Variants in EPHA6 observed in about 807,000 individuals in gnomAD.
EPHA6 encodes EPH receptor A6, also known as ephrin type-A receptor 6.
A neutral mutation model predicts 112.0 loss-of-function variants in EPHA6; 50 were observed. That is an observed-to-expected ratio of 0.45 (90% CI 0.36 to 0.56). The LOEUF (loss-of-function observed/expected upper bound fraction) is 0.56. Ranked by LOEUF, EPHA6 falls within the 20% of genes least tolerant of loss-of-function variation. The probability of loss-of-function intolerance (pLI) is 0.00; values close to 1 mark genes in which losing one functional copy is unlikely to be tolerated. For synonymous variants in EPHA6, 529 were observed against 490.7 expected, an observed-to-expected ratio of 1.08 and a Z score of -1.03; for missense variants, 1,280 against 1,417.4, an observed-to-expected ratio of 0.90 and a Z score of 1.56.
chr3:96,904,116 C>A (rs1201164726), intron 2 of EPHA6, among the ~76,000 whole-genome samples: 2 of 151,882 alleles, frequency 1.3e-5, no homozygotes, highest in African/African-American at 2.4e-5. Context: ...GGTATATACC[C>A]AAAGGATTAT....
intron 12 of EPHA6, chr3:97,606,068 T>G (rs1172699385): frequency 6.6e-6 from 1 of 151,416 alleles, no homozygotes; most frequent in Non-Finnish European, 1.5e-5. Flanking sequence ...CCAAGCAATT[T>G]AGACGTTAAT....
intron 6 of EPHA6, among the ~76,000 whole-genome samples, chr3:97,414,039 C>T (rs1276906788): frequency 6.6e-6 from 1 of 151,920 alleles, no homozygotes; most frequent in East Asian, 1.9e-4. Flanking sequence ...GCTACAAGTA[C>T]AAACATACTT....
chr3:97,446,692 T>C (rs913152665), intron 6 of EPHA6, among the ~76,000 whole-genome samples: 6 of 152,206 alleles, frequency 3.9e-5, no homozygotes, highest in Non-Finnish European at 7.4e-5. Flanking sequence ...CCTCCTCTTG[T>C]ATATGAGATT....
chr3:97,539,124 C>T (rs868835054), intron 11 of EPHA6, among the ~76,000 whole-genome samples: 12 of 123,970 alleles, frequency 9.7e-5, no homozygotes, highest in South Asian at 5.1e-4. Flanking sequence ...TTCTTTCTTT[C>T]TTTTTCTTTC....
chr3:97,575,507 A>G (rs1193429795), intron 11 of EPHA6, among the ~76,000 whole-genome samples: 1 of 152,212 alleles, frequency 6.6e-6, no homozygotes, highest in African/African-American at 2.4e-5. Context: ...GTATACAACC[A>G]TTCCTGGCAT....
At chr3:97,258,617 T>C (rs1411350432) in intron 5 of EPHA6, among the ~76,000 whole-genome samples, 2 of 152,176 alleles carry the variant, frequency 1.3e-5, no homozygotes, top group East Asian at 3.8e-4. Context: ...TTATAACTCA[T>C]AATTACATTA....
chr3:97,260,953 A>G (rs962692012), intron 5 of EPHA6, among the ~76,000 whole-genome samples: 8 of 152,192 alleles, frequency 5.3e-5, no homozygotes, highest in Non-Finnish European at 1.2e-4. Flanking sequence ...GCCAGATGCA[A>G]ACACCACAAC....
chr3:97,015,847 A>G (rs2044246459), intron 3 of EPHA6, among the ~76,000 whole-genome samples: 1 of 152,218 alleles, frequency 6.6e-6, no homozygotes, highest in Admixed American at 6.5e-5. Flanking sequence ...AAAATTAGAA[A>G]CAAAAACTTC....
At chr3:97,104,737 A>C (rs998803824) in intron 3 of EPHA6, among the ~76,000 whole-genome samples, 1 of 152,054 alleles carries the variant, frequency 6.6e-6, no homozygotes, top group African/African-American at 2.4e-5. Context: ...TTCTTTGTAC[A>C]TCAGGTAGAA....
chr3:97,679,051 G>C (rs1560259154), intron 14 of EPHA6, among the ~76,000 whole-genome samples: 1 of 151,798 alleles, frequency 6.6e-6, no homozygotes, highest in African/African-American at 2.4e-5. Context: ...TTATGTTCCT[G>C]GTTTTGTTAT....
chr3:97,374,909 G>A (rs62262768), intron 5 of EPHA6, among the ~76,000 whole-genome samples: 79 of 152,094 alleles, frequency 5.2e-4, no homozygotes, highest in Non-Finnish European at 9.9e-4. Context: ...TTTCTGGTTG[G>A]GGTTTGAAGA....
At chr3:97,153,842 T>A (rs192203553) in intron 3 of EPHA6, among the ~76,000 whole-genome samples, 1 of 152,186 alleles carries the variant, frequency 6.6e-6, no homozygotes, top group African/African-American at 2.4e-5. Flanking sequence ...ATATGGTCAA[T>A]TACAGTGAAC....
At chr3:97,027,271 C>A (rs2044672729) in intron 3 of EPHA6, among the ~76,000 whole-genome samples, 1 of 152,080 alleles carries the variant, frequency 6.6e-6, no homozygotes, top group Non-Finnish European at 1.5e-5. Context: ...GGGAACAACA[C>A]ACACTGGGGC....
intron 3 of EPHA6, among the ~76,000 whole-genome samples, chr3:97,129,775 G>A (rs1453270074): frequency 6.6e-6 from 1 of 152,108 alleles, no homozygotes. Context: ...TAAAATTGCT[G>A]ATCAAGTAGA....
In EPHA6 at chr3:96,964,992, G is replaced by C. The variant is rs547121507; in HGVS notation, c.451-22338G>C. Among the ~76,000 whole-genome samples, 8 of 152,174 alleles carry C rather than the reference G, an allele frequency of 5.3e-5. No individual in the cohort carries two copies. In the South Asian group the frequency reaches 1.7e-3, roughly 31 times the overall value. On this transcript the variant is annotated intron_variant, in intron 2 of 17. Transcript: ENST00000389672. ...TTCAGAGAGACTCCAGGGATGCCTTGTGGTCAGAAAAAAATATAGACAAGT... is the reference window on the plus strand; with the variant it reads ...TTCAGAGAGACTCCAGGGATGCCTTCTGGTCAGAAAAAAATATAGACAAGT...
chr3:97,267,239 T>C (rs917009273), intron 5 of EPHA6, among the ~76,000 whole-genome samples: 15 of 152,122 alleles, frequency 9.9e-5, no homozygotes, highest in African/African-American at 3.4e-4. Context: ...ATTTCTCTTA[T>C]TATTTTTTTC....
chr3:96,865,768 T>C (rs112592367), intron 1 of EPHA6, among the ~76,000 whole-genome samples: 2,130 of 150,946 alleles, frequency 0.014, 31 homozygotes, highest in Non-Finnish European at 0.021. Context: ...ATTAATGATG[T>C]GGTACCAAAG....
intron 3 of EPHA6, among the ~76,000 whole-genome samples, chr3:97,034,280 G>T (rs976983850): frequency 6.6e-5 from 10 of 151,816 alleles, no homozygotes; most frequent in Admixed American, 4.0e-4. Flanking sequence ...GATGAATTTT[G>T]TACTTTCTGA....
intron 12 of EPHA6, among the ~76,000 whole-genome samples, chr3:97,609,709 G>C (rs574256697): frequency 6.7e-4 from 102 of 151,428 alleles, no homozygotes; most frequent in African/African-American, 2.4e-3. Context: ...TAACCCACAA[G>C]GCTTTGAGTT....
Sources: allele counts gnomAD v4.1 joint callset (sites outside exome capture counted in the v4.1 genomes callset), GRCh38; gene constraint gnomAD v4.1.1; transcripts MANE v1.5; gene names NCBI Gene and HGNC (gene_info 2026-07-23, HGNC 2026-07-21).